The following PBX3 variants were observed in gnomAD, a reference collection of about 807,000 sequenced individuals.
PBX3 encodes pre-B-cell leukemia transcription factor 3.
A neutral mutation model predicts 48.5 loss-of-function variants in PBX3; 14 were observed. The observed-to-expected ratio is 0.29, with a 90% CI of 0.19 to 0.45. The LOEUF is 0.45. Ranked by LOEUF, PBX3 falls within the 20% of genes least tolerant of loss-of-function variation. The pLI is 1.00. For missense variants in PBX3, 386 were observed against 546.7 expected (o/e 0.71, Z 2.93); for synonymous variants, 210 against 200.3 (o/e 1.05, Z -0.41).
At chr9:125,786,727 ATT>A (rs34887904) in intron 2 of PBX3, among the ~76,000 whole-genome samples, 3 of 143,742 alleles carry the variant, frequency 2.1e-5, no homozygotes, top group Non-Finnish European at 3.1e-5. Flanking sequence ...GTATGTAGAG[ATT>A]TTTTTTTTTT....
chr9:125,766,421 A>G (rs188651508), intron 2 of PBX3, among the ~76,000 whole-genome samples: 156 of 152,122 alleles, frequency 1.0e-3, no homozygotes, highest in Non-Finnish European at 4.0e-4. Context: ...CTGTGGTGAA[A>G]ACTCCTGGTA....
At chr9:125,812,158 G>A (rs988227198) in intron 2 of PBX3, among the ~76,000 whole-genome samples, 25 of 152,040 alleles carry the variant, frequency 1.6e-4, no homozygotes, top group Admixed American at 1.3e-3. Context: ...ATAAATTTGC[G>A]TTGTCCACAA....
At chr9:125,781,403 G>T (rs991147662) in intron 2 of PBX3, among the ~76,000 whole-genome samples, 5 of 151,576 alleles carry the variant, frequency 3.3e-5, no homozygotes, top group African/African-American at 4.8e-5. Context: ...GCCTGCAATC[G>T]CAGGCACTCG....
At chr9:125,779,754 C>G (rs778276977) in intron 2 of PBX3, among the ~76,000 whole-genome samples, 7 of 147,960 alleles carry the variant, frequency 4.7e-5, no homozygotes, top group African/African-American at 1.8e-4. Flanking sequence ...CATCCCGGCC[C>G]GTTCTCAATG....
chr9:125,904,056 G>A (rs928763896), intron 2 of PBX3, among the ~76,000 whole-genome samples: 5 of 151,840 alleles, frequency 3.3e-5, no homozygotes, highest in Non-Finnish European at 5.9e-5. Flanking sequence ...CTCAAAAAAT[G>A]TGAGGTCTTA....
At chr9:125,829,283 A>G (rs1838891441) in intron 2 of PBX3, among the ~76,000 whole-genome samples, 1 of 152,148 alleles carries the variant, frequency 6.6e-6, no homozygotes. Context: ...CATTTCTAGA[A>G]TTTTATTCTC....
chr9:125,866,440 A>G (rs1839982677), intron 2 of PBX3, among the ~76,000 whole-genome samples: 1 of 152,226 alleles, frequency 6.6e-6, no homozygotes, highest in South Asian at 2.1e-4. Context: ...TGTTAATCTC[A>G]TTCTTTGCAC....
intron 3 of PBX3, among the ~76,000 whole-genome samples, chr9:125,923,186 T>G (rs1461300918): frequency 1.3e-5 from 2 of 152,240 alleles, no homozygotes; most frequent in Middle Eastern, 3.2e-3. Flanking sequence ...TTTTCTTATA[T>G]AAGTCTTTGG....
chr9:125,845,061 C>T (rs968567072), intron 2 of PBX3: 2 of 152,154 alleles, frequency 1.3e-5, no homozygotes, highest in East Asian at 1.9e-4. Flanking sequence ...GGAAACTGAA[C>T]AAACTACTGT....
chr9:125,838,624 A>G (rs1290211575), intron 2 of PBX3, among the ~76,000 whole-genome samples: 2 of 152,178 alleles, frequency 1.3e-5, no homozygotes, highest in Non-Finnish European at 2.9e-5. Flanking sequence ...TACCTACATA[A>G]ATGTAATTGT....
chr9:125,747,887 C>T (rs960270449), intron 1 of PBX3, among the ~76,000 whole-genome samples: 7 of 151,934 alleles, frequency 4.6e-5, no homozygotes, highest in Admixed American at 2.0e-4. Flanking sequence ...GGCGCGGATT[C>T]CGTGGCGTCC....
intron 2 of PBX3, among the ~76,000 whole-genome samples, chr9:125,888,503 A>T (rs765308039): frequency 2.1e-4 from 32 of 152,026 alleles, no homozygotes; most frequent in Non-Finnish European, 4.6e-4. Context: ...GCTTTACCAG[A>T]AACAGATGCT....
chr9:125,903,656 A>T (rs1841002688), intron 2 of PBX3, among the ~76,000 whole-genome samples: 1 of 151,914 alleles, frequency 6.6e-6, no homozygotes, highest in Admixed American at 6.6e-5. Context: ...TATTAAACAA[A>T]AGAAGTAAGT....
intron 5 of PBX3, among the ~76,000 whole-genome samples, chr9:125,939,910 T>C (rs1295233134): frequency 1.3e-5 from 2 of 151,990 alleles, no homozygotes; most frequent in Non-Finnish European, 2.9e-5. Context: ...AAGGCAATGA[T>C]AAAATTAAAA....
intron 5 of PBX3, among the ~76,000 whole-genome samples, chr9:125,945,123 C>G (rs1268084596): frequency 6.6e-6 from 1 of 151,950 alleles, no homozygotes; most frequent in East Asian, 1.9e-4. Flanking sequence ...ACTCAGGAGG[C>G]TGAGGCAGGA....
intron 5 of PBX3, among the ~76,000 whole-genome samples, chr9:125,955,347 A>G (rs1203926554): frequency 6.6e-6 from 1 of 152,006 alleles, no homozygotes; most frequent in African/African-American, 2.4e-5. Flanking sequence ...CCAGGTACCA[A>G]TGCCTTCCCC....
At chr9:125,787,144 A>G (rs1311819503) in intron 2 of PBX3, among the ~76,000 whole-genome samples, 1 of 152,052 alleles carries the variant, frequency 6.6e-6, no homozygotes, top group African/African-American at 2.4e-5. Context: ...AGCTCAAGTG[A>G]TCCTCCCAAC....
intron 2 of PBX3, among the ~76,000 whole-genome samples, chr9:125,767,493 G>A (rs1416745588): frequency 6.6e-6 from 1 of 152,190 alleles, no homozygotes; most frequent in East Asian, 1.9e-4. Context: ...ATCTATGCTT[G>A]TGGTACTCCA....
chr9:125,815,434 C>A (rs1838431204), intron 2 of PBX3, among the ~76,000 whole-genome samples: 1 of 152,136 alleles, frequency 6.6e-6, no homozygotes, highest in Non-Finnish European at 1.5e-5. Context: ...TAATCTCCCA[C>A]ATAATTTCCT....
Sources: gnomAD v4.1 joint callset for allele counts (sites outside exome capture counted in the v4.1 genomes callset) on GRCh38, gnomAD v4.1.1 for gene constraint, MANE v1.5 for transcripts, NCBI Gene and HGNC (gene_info 2026-07-23, HGNC 2026-07-21) for gene names.